Variants in KIF13A observed in about 807,000 individuals in gnomAD.
KIF13A encodes kinesin family member 13A, also known as kinesin-like protein KIF13A.
A neutral mutation model predicts 212.2 loss-of-function variants in KIF13A; 79 were observed. That is an observed-to-expected ratio of 0.37 (90% confidence interval 0.31 to 0.45). KIF13A has a LOEUF of 0.45. Among genes scored for constraint, KIF13A ranks in the 20% least tolerant of loss-of-function variants. The pLI is 1.00. For synonymous variants in KIF13A, 789 were observed against 808.6 expected (o/e 0.98, Z 0.41); for missense variants, 1,901 against 2,209.0 (o/e 0.86, Z 2.79).
At position 17,934,526 on chromosome 6, in the gene KIF13A, C is replaced by T. The variant is rs909018100; in HGVS notation, c.147-36346G>A. Among the ~76,000 whole-genome samples, 5 of 152,164 alleles carry T rather than the reference C, an allele frequency of 3.3e-5. No homozygotes were observed. Among genetic ancestry groups the T allele is most frequent in the Admixed American group, 2.6e-4 (4 of 15,286 alleles). On this transcript the variant is annotated intron_variant, in intron 2 of 38. Transcript: ENST00000259711. The surrounding 1 kb of genome is among the most constrained non-coding windows in gnomAD (Gnocchi z 5.4). ...CGAAGGCCAGGCACCGTGGGTCATG[C>T]CTGTAATCCCAAAACTCTGGGAGAC...
Position 17,776,683 on chromosome 6 carries a change from T to G in KIF13A, c.4170+594A>C, listed in dbSNP as rs1469634766. 6.6e-6 allele frequency among the ~76,000 whole-genome samples: 1 copy of G among 152,234 alleles called. No individual in the cohort carries two copies. The highest frequency in any genetic ancestry group is 1.5e-5 in the Non-Finnish European group (1 of 68,042). On this transcript the variant is annotated intron_variant, in intron 34 of 38. Coordinates refer to ENST00000259711, the MANE Select transcript of KIF13A (RefSeq NM_022113.6). This position sits in a 1 kb window ranked among gnomAD's most constrained non-coding sequence, Gnocchi z 4.6. Reference sequence around the variant, plus strand: ...GTGTTTTTCCTTGGAAAGACCTTACTTCTACTCAGCTGCTTCTGGGAAGTG... The same window carrying G: ...GTGTTTTTCCTTGGAAAGACCTTACGTCTACTCAGCTGCTTCTGGGAAGTG...
rs368144307 is a variant in KIF13A at position 17,955,686 on chromosome 6, G to T, written c.146+31368C>A. On this transcript the variant is annotated intron_variant, in intron 2 of 38. Coordinates refer to ENST00000259711, the MANE Select transcript of KIF13A (RefSeq NM_022113.6). ...GAGATAATATTGAAGACAAAGTCAT[G>T]GTTTACTAAAGCAAAGAAACTGTAT... 3.3e-5 allele frequency among the ~76,000 whole-genome samples: 5 copies of T among 152,266 alleles called. No homozygotes were observed. In the East Asian group the frequency reaches 7.7e-4, roughly 24 times the overall value.
At chr6:17,830,266 T>C (rs1468232883) in intron 13 of KIF13A, among the ~76,000 whole-genome samples, 1 of 152,200 alleles carries the variant, frequency 6.6e-6, no homozygotes, top group Non-Finnish European at 1.5e-5. Context: ...TTGCCTTTGC[T>C]CTCTCATTTT....
chr6:17,761,004 A>G (rs1177969640), downstream of KIF13A: 1 of 851,160 alleles, frequency 1.2e-6, no homozygotes, highest in East Asian at 2.7e-5. Context: ...GACCCACAGG[A>G]TTGGTTTTAT....
rs531332464 is a variant in KIF13A at position 17,929,545 on chromosome 6, C to T, written c.147-31365G>A. On this transcript the variant is annotated intron_variant, in intron 2 of 38. Transcript: ENST00000259711. Reference sequence around the variant, plus strand: ...CCTCCCAAGTAGCTGGGACTACAGGCGCCCGCCACCATGCCCGGCTAATTT... The same window carrying T: ...CCTCCCAAGTAGCTGGGACTACAGGTGCCCGCCACCATGCCCGGCTAATTT... Among the ~76,000 whole-genome samples the T allele has an allele frequency of 2.0e-4, 31 of 152,134 alleles. 1 individual carries two copies. The highest frequency in any genetic ancestry group is 1.9e-3 in the South Asian group (9 of 4,820).
In KIF13A at chr6:17,843,827, C is replaced by T. The variant is rs546728971; in HGVS notation, c.830+5550G>A. Among the ~76,000 whole-genome samples, 3 of 152,244 alleles carry T rather than the reference C, an allele frequency of 2.0e-5. No homozygotes were observed. The South Asian group carries it at 6.2e-4, about 32-fold the overall frequency. On this transcript the variant is annotated intron_variant, in intron 9 of 38. Transcript: ENST00000259711. The surrounding 1 kb of genome is among the most constrained non-coding windows in gnomAD (Gnocchi z 5.3). ...TTGGAGGCCGAGGGGGGCACATCAC[C>T]TGAGGTCAGGAGTTTGAGACCAGCC...
intron 26 of KIF13A, among the ~76,000 whole-genome samples, chr6:17,788,967 C>T (rs1195106340): frequency 6.6e-6 from 1 of 152,206 alleles, no homozygotes; most frequent in African/African-American, 2.4e-5. Flanking sequence ...TTGTGATCCA[C>T]CTGCCTCGGC....
intron 2 of KIF13A, among the ~76,000 whole-genome samples, chr6:17,956,977 T>A (rs868625169): frequency 2.8e-4 from 42 of 152,080 alleles, no homozygotes; most frequent in African/African-American, 9.9e-4. Context: ...GCTTCCCAGG[T>A]TCAAGTGATT....
downstream of KIF13A, among the ~76,000 whole-genome samples, chr6:17,762,597 CTT>C (rs1007264042): frequency 6.6e-6 from 1 of 152,132 alleles, no homozygotes; most frequent in African/African-American, 2.4e-5. Flanking sequence ...CAAACCTAAT[CTT>C]ACAGTAAAGA....
Position 17,785,991 on chromosome 6 carries a change from G to A in KIF13A, c.3362-350C>T, listed in dbSNP as rs1761025168. ...TATAAGTGGTTTAACCATCCACTAT[G>A]TCCCTAAAATGGATTTGAGTCTTTG... On this transcript the variant is annotated intron_variant, in intron 27 of 38. Transcript: ENST00000259711. The surrounding 1 kb of genome is among the most constrained non-coding windows in gnomAD (Gnocchi z 5.8). Among the ~76,000 whole-genome samples, 1 of 152,214 alleles carries A rather than the reference G, an allele frequency of 6.6e-6. No individual in the cohort carries two copies.
At chr6:17,909,157 T>TGA (rs1386702270) in intron 2 of KIF13A, among the ~76,000 whole-genome samples, 1 of 152,230 alleles carries the variant, frequency 6.6e-6, no homozygotes, top group East Asian at 1.9e-4. Context: ...TCAACATTGC[T>TGA]GAAACTAAAT....
chr6:17,957,087 G>C (rs1581851392), intron 2 of KIF13A, among the ~76,000 whole-genome samples: 1 of 152,248 alleles, frequency 6.6e-6, no homozygotes, highest in East Asian at 1.9e-4. Flanking sequence ...TCACCATGTT[G>C]GCCAGGCTGG....
intron 2 of KIF13A, among the ~76,000 whole-genome samples, chr6:17,932,861 T>C (rs1003895787): frequency 1.2e-4 from 18 of 151,960 alleles, no homozygotes; most frequent in Non-Finnish European, 2.9e-5. Flanking sequence ...TTTGCTTAAT[T>C]TGGCCAAATT....
intron 4 of KIF13A, among the ~76,000 whole-genome samples, chr6:17,869,019 A>AAACAAAAAAAAAAAAAAAAAAAAAAC (rs1554187445): frequency 7.9e-6 from 1 of 126,514 alleles, no homozygotes; most frequent in Non-Finnish European, 1.7e-5. Flanking sequence ...AAAAAAAAAA[A>AAACAAAAAAAAAAAAAAAAAAAAAAC]ACACAAATAA....
chr6:17,780,947 A>C (rs1760510231), intron 30 of KIF13A, 41 bp from the exon 31 acceptor site: 1 of 1,571,114 alleles, frequency 6.4e-7, no homozygotes, highest in Non-Finnish European at 8.7e-7. Flanking sequence ...AACAAGACAA[A>C]AGTCAGATGT....
intron 3 of KIF13A, among the ~76,000 whole-genome samples, chr6:17,880,209 G>A (rs1348896543): frequency 6.6e-6 from 1 of 152,078 alleles, no homozygotes; most frequent in Non-Finnish European, 1.5e-5. Flanking sequence ...TCCTGCTTTG[G>A]CTTCCCAAAG....
chr6:17,896,202 G>C (rs1377761203), intron 3 of KIF13A, among the ~76,000 whole-genome samples: 3 of 151,976 alleles, frequency 2.0e-5, no homozygotes, highest in Admixed American at 2.0e-4. Flanking sequence ...GTGGACCTGG[G>C]CAGTTCAAAC....
In KIF13A at chr6:17,794,455, A is replaced by C. The variant is rs1023894408; in HGVS notation, c.3076-60T>G. The C allele has an allele frequency of 1.5e-5, 23 of 1,577,880 alleles. No individual in the cohort carries two copies. The highest frequency in any genetic ancestry group is 1.8e-5 in the Non-Finnish European group (21 of 1,156,130). Reference sequence around the variant, plus strand: ...ATGATAATGAAAAGGAACGGGATAAAGAAGGGGAAAAGGATTAGAGAATAA... The same window carrying C: ...ATGATAATGAAAAGGAACGGGATAACGAAGGGGAAAAGGATTAGAGAATAA... On this transcript the variant is annotated intron_variant, in intron 24 of 38. Coordinates refer to ENST00000259711, the MANE Select transcript of KIF13A (RefSeq NM_022113.6). This position sits in a 1 kb window ranked among gnomAD's most constrained non-coding sequence, Gnocchi z 4.1.
chr6:17,976,390 G>A (rs1237733751), intron 2 of KIF13A, among the ~76,000 whole-genome samples: 1 of 152,178 alleles, frequency 6.6e-6, no homozygotes, highest in Non-Finnish European at 1.5e-5. Context: ...GGCCGGCACT[G>A]CTGGGGGACC....
Sources: gnomAD v4.1 joint callset for allele counts (sites outside exome capture counted in the v4.1 genomes callset) on GRCh38, gnomAD v4.1.1 for gene constraint, Gnocchi (gnomAD v3.1) non-coding constraint, MANE v1.5 for transcripts, NCBI Gene and HGNC (gene_info 2026-07-23, HGNC 2026-07-21) for gene names.